The following DIP2C variants were observed in gnomAD, a reference collection of about 807,000 sequenced individuals.
The protein encoded by DIP2C is DIP2 acetate--CoA ligase C (putative).
Under a neutral mutation model 192.4 loss-of-function variants are expected in DIP2C, and 33 were observed. The ratio of observed to expected loss-of-function variants is 0.17; its 90% CI spans 0.13 to 0.23. The LOEUF is 0.23. DIP2C is among the 10% of genes least tolerant of loss of function. DIP2C has a pLI of 1.00. For synonymous variants in DIP2C, 979 were observed against 864.1 expected (o/e 1.13, Z -2.33); for missense variants, 1,537 against 2,110.1 (o/e 0.73, Z 5.32).
chr10:360,303 T>C (rs890824861), intron 22 of DIP2C, among the ~76,000 whole-genome samples: 4 of 152,112 alleles, frequency 2.6e-5, no homozygotes, highest in Non-Finnish European at 5.9e-5. Context: ...GTGTCCCCTG[T>C]TGAAGAGAGG....
At chr10:294,289 C>CT (rs1218559152) in intron 32 of DIP2C, among the ~76,000 whole-genome samples, 3 of 152,138 alleles carry the variant, frequency 2.0e-5, no homozygotes, top group Admixed American at 1.3e-4. Context: ...CAGACCCCTG[C>CT]TACCTAAGAC....
chr10:629,000 G>GT, intron 1 of DIP2C: 1 of 152,436 alleles, frequency 6.6e-6, no homozygotes, highest in East Asian at 1.9e-4. Context: ...ATTTGGTGGG[G>GT]TTTTGGTCAT....
intron 29 of DIP2C, among the ~76,000 whole-genome samples, chr10:331,734 C>T (rs1208221508): frequency 6.6e-6 from 1 of 152,136 alleles, no homozygotes; most frequent in Admixed American, 6.5e-5. Context: ...CCGTGGACAC[C>T]GAGGGACGAC....
intron 2 of DIP2C, among the ~76,000 whole-genome samples, chr10:485,583 C>T (rs1843956882): frequency 1.3e-5 from 2 of 152,322 alleles, no homozygotes; most frequent in Non-Finnish European, 2.9e-5. Flanking sequence ...GCAGCCTGAG[C>T]CTCAGGAAAC....
chr10:689,400 C>G lies in DIP2C; in HGVS notation c.85+94G>C. On this transcript the variant is annotated intron_variant, in intron 1 of 36. Coordinates refer to ENST00000280886, the MANE Select transcript of DIP2C (RefSeq NM_014974.3). The surrounding 1 kb of genome is among the most constrained non-coding windows in gnomAD (Gnocchi z 6.1). ...GTCGCACCTCCCCCTCCGGGCCCGG[C>G]CCCCGCCCCGCCGCAGGCCCCGCGC... 1.3e-6 allele frequency: 1 copy of G among 745,994 alleles called. No individual in the cohort carries two copies. The allele number at this position is 745,994 out of a possible 1,614,324, so 46.2% of individuals were successfully genotyped here.
intron 1 of DIP2C, among the ~76,000 whole-genome samples, chr10:558,155 T>G (rs1328369930): frequency 6.6e-6 from 1 of 152,186 alleles, no homozygotes; most frequent in Non-Finnish European, 1.5e-5. Context: ...AGCCACGCTG[T>G]TCCCCAAATA....
At chr10:672,760 GAATTT>G (rs901778577) in intron 1 of DIP2C, among the ~76,000 whole-genome samples, 67 of 152,278 alleles carry the variant, frequency 4.4e-4, no homozygotes, top group African/African-American at 1.5e-3. Flanking sequence ...ACACAACCAA[GAATTT>G]AATAGTGCCG....
intron 1 of DIP2C, among the ~76,000 whole-genome samples, chr10:520,050 T>C (rs1200120319): frequency 6.6e-6 from 1 of 152,226 alleles, no homozygotes; most frequent in Admixed American, 6.5e-5. Flanking sequence ...CCACCCTGCA[T>C]TCAGCAGTTT....
At chr10:353,807 A>G (rs1211039707) in intron 24 of DIP2C, among the ~76,000 whole-genome samples, 2 of 152,140 alleles carry the variant, frequency 1.3e-5, no homozygotes, top group Non-Finnish European at 2.9e-5. Context: ...ACGGACACTT[A>G]TGGTGTGTGG....
chr10:547,009 T>G (rs2130926546), intron 1 of DIP2C, among the ~76,000 whole-genome samples: 1 of 152,290 alleles, frequency 6.6e-6, no homozygotes, highest in Non-Finnish European at 1.5e-5. Flanking sequence ...ATTCTTTAGA[T>G]AAAGAAGGCC....
chr10:373,401 T>C (rs1294839665), intron 17 of DIP2C, among the ~76,000 whole-genome samples: 2 of 152,226 alleles, frequency 1.3e-5, no homozygotes, highest in South Asian at 2.1e-4. Context: ...GTATAAAATA[T>C]GTATGTATAC....
chr10:487,174 G>A (rs2133560068), intron 1 of DIP2C, among the ~76,000 whole-genome samples: 1 of 152,216 alleles, frequency 6.6e-6, no homozygotes, highest in African/African-American at 2.4e-5. Flanking sequence ...CAAGCACACA[G>A]GACAAAGCCA....
intron 2 of DIP2C, among the ~76,000 whole-genome samples, chr10:479,813 G>A (rs888835395): frequency 2.6e-5 from 4 of 152,234 alleles, no homozygotes; most frequent in African/African-American, 9.6e-5. Context: ...TCATCCGCCA[G>A]CCTGAGCTCC....
At chr10:349,552 A>G in intron 24 of DIP2C, 98 bp from the exon 25 acceptor site, 2 of 1,481,566 alleles carry the variant, frequency 1.3e-6, no homozygotes, top group Non-Finnish European at 1.8e-6. Context: ...CGCAAAGCAT[A>G]CATCACTGGT....
chr10:432,759 CTTTT>C (rs1289437977), intron 4 of DIP2C, among the ~76,000 whole-genome samples: 4 of 152,034 alleles, frequency 2.6e-5, no homozygotes, highest in African/African-American at 9.7e-5. Flanking sequence ...GATTTCAGAT[CTTTT>C]TTAACATATG....
At chr10:366,445 G>C in intron 18 of DIP2C, 34 bp from the exon 19 acceptor site, 1 of 1,613,534 alleles carries the variant, frequency 6.2e-7, no homozygotes, top group Non-Finnish European at 8.5e-7. Context: ...TGCAGTGTGA[G>C]AGGGGGCAGG....
chr10:572,478 T>C (rs1849884184), intron 1 of DIP2C, among the ~76,000 whole-genome samples: 1 of 152,200 alleles, frequency 6.6e-6, no homozygotes, highest in African/African-American at 2.4e-5. Context: ...TCTCTCAATA[T>C]TCCCATCACA....
At chr10:676,084 C>G (rs1422322798) in intron 1 of DIP2C, among the ~76,000 whole-genome samples, 1 of 152,170 alleles carries the variant, frequency 6.6e-6, no homozygotes, top group Non-Finnish European at 1.5e-5. Flanking sequence ...GGGATTTCTC[C>G]CAGGATGCAA....
intron 1 of DIP2C, among the ~76,000 whole-genome samples, chr10:531,065 GAC>G (rs1240323699): frequency 3.9e-5 from 6 of 152,022 alleles, no homozygotes. Context: ...CTCGGCTGTT[GAC>G]AGAGGCTGCA....
Sources: gnomAD v4.1 joint callset for allele counts (sites outside exome capture counted in the v4.1 genomes callset) on GRCh38, gnomAD v4.1.1 for gene constraint, Gnocchi (gnomAD v3.1) non-coding constraint, MANE v1.5 for transcripts, NCBI Gene and HGNC (gene_info 2026-07-23, HGNC 2026-07-21) for gene names.